Variants in HSPA1L observed in about 807,000 individuals in gnomAD.
HSPA1L encodes heat shock 70 kDa protein 1-like.
Under a neutral mutation model 31.5 loss-of-function variants are expected in HSPA1L, and 21 were observed. That is an observed-to-expected ratio of 0.67 (90% confidence interval 0.47 to 0.96). HSPA1L has a LOEUF of 0.96. HSPA1L is among the 40% of genes least tolerant of loss of function. HSPA1L has a pLI of 0.00. For synonymous variants in HSPA1L, 293 were observed against 323.1 expected (o/e 0.91, Z 1.00); for missense variants, 709 against 813.4 (o/e 0.87, Z 1.56).
In HSPA1L at chr6:31,810,676, A is replaced by G; in HGVS notation, c.1297T>C (p.Tyr433His). The G allele has an allele frequency of 6.2e-7, 1 of 1,613,990 alleles. No individual in the cohort carries two copies. Among genetic ancestry groups the G allele is most frequent in the Non-Finnish European group, 8.5e-7 (1 of 1,180,000 alleles). Residue 433 changes from tyrosine to histidine, a missense_variant, in exon 2 of 2, where the codon TAC (tyrosine) becomes CAC (histidine). By Grantham distance (83) the Tyr-to-His change is moderately conservative. Transcript: ENST00000375654. ...PTKQTQIFTT[Y>H]SDNQPGVLIQ... The stretch of plus-strand genomic sequence containing the variant: ...AGCACCCCGGGTTGGTTGTCAGAGT[A>G]GGTGGTGAAAATCTGTGTCTGCTTG...
rs1432329964 is a variant in HSPA1L at position 31,810,582 on chromosome 6, G to C, written c.1391C>G (p.Thr464Ser). 6.2e-7 allele frequency: 1 copy of C among 1,613,744 alleles called. No homozygotes were observed. The highest frequency in any genetic ancestry group is 2.2e-5 in the East Asian group (1 of 44,894). ...TCCCCTGGGTGCTGGAGGGATTCCA[G>C]TCAGGTCAAACCGCCCCAGCAGGTT... Reference protein sequence around the residue: ...DNNLLGRFDLTGIPPAPRGVP... With the variant: ...DNNLLGRFDLSGIPPAPRGVP... The change falls in exon 2 of 2, where the codon ACT (threonine) becomes AGT (serine). Residue 464 changes from threonine to serine, a missense_variant. Transcript: ENST00000375654.
chr6:31,812,978 C>T (rs1581699612), intron 1 of HSPA1L, among the ~76,000 whole-genome samples: 1 of 152,202 alleles, frequency 6.6e-6, no homozygotes. Context: ...AATGCCACCA[C>T]ACCCAGCTAA....
Position 31,810,375 on chromosome 6 carries a change from A to T in HSPA1L, c.1598T>A (p.Val533Asp). The T allele has an allele frequency of 6.4e-7, 1 of 1,555,606 alleles. No individual in the cohort carries two copies. Among genetic ancestry groups the T allele is most frequent in the Non-Finnish European group, 8.9e-7 (1 of 1,128,972 alleles). ...DAEKYKAEDE[V>D]QREKIAAKNA... The stretch of plus-strand genomic sequence containing the variant: ...CTTTGCAGCAATTTTCTCCCTCTGG[A>T]CCTCATCTTCAGCTTTATATTTCTC... Residue 533 changes from valine to aspartate, a missense_variant, in exon 2 of 2, where the codon GTC (valine) becomes GAC (aspartate). By Grantham distance (152) the Val-to-Asp change is radical (BLOSUM62 -3). Transcript: ENST00000375654.
rs1449880562 is a variant in HSPA1L, at chr6:31,810,809, C to A, written c.1164G>T (p.Glu388Asp). 2 of 1,614,158 alleles carry A rather than the reference C, an allele frequency of 1.2e-6. No individual in the cohort carries two copies. The highest frequency in any genetic ancestry group is 8.5e-7 in the Non-Finnish European group (1 of 1,180,002). ...CCAGCAGCAGCAGGTCCTGTACCTT[C>A]TCAGACTTGTCCCCCATCAGGATGG... ...QAAILMGDKS[E>D]KVQDLLLLDV... Residue 388 changes from glutamate (E) to aspartate (D), a missense_variant, in exon 2 of 2, where the codon GAG becomes GAT. By Grantham distance (45) the Glu-to-Asp change is conservative. Transcript: ENST00000375654.
At chr6:31,812,084 A>G (rs1242647760) in intron 1 of HSPA1L, 99 bp from the exon 2 acceptor site, 92 of 1,422,028 alleles carry the variant, frequency 6.5e-5, no homozygotes, top group Non-Finnish European at 8.4e-5. Flanking sequence ...GTTGGAGTGC[A>G]GAGGCGCAGT....
Position 31,811,280 on chromosome 6 carries a change from AC to A in HSPA1L, c.692del (p.Gly231ValfsTer10). On this transcript the variant is annotated frameshift_variant, in exon 2 of 2. Coordinates refer to ENST00000375654, the MANE Select transcript of HSPA1L (RefSeq NM_005527.4). LOFTEE classifies it high-confidence loss of function. ...CAAGCCTGTTGTCAAAGTCCTCCCC[AC>A]CCAGGTGAGTGTCCCCAGCAGTGGC... ...VKATAGDTHL[G>X]GEDFDNRLVS... 1 of 1,613,990 alleles carries A rather than the reference AC, an allele frequency of 6.2e-7. No homozygotes were observed. The highest frequency in any genetic ancestry group is 8.5e-7 in the Non-Finnish European group (1 of 1,180,010).
At chr6:31,812,332 T>G (rs2151463143) in intron 1 of HSPA1L, among the ~76,000 whole-genome samples, 1 of 152,102 alleles carries the variant, frequency 6.6e-6, no homozygotes, top group South Asian at 2.1e-4. Context: ...GCCCAGCTAA[T>G]TTTTGTATTT....
rs1311612034 is a variant in HSPA1L at position 31,810,151 on chromosome 6, T to C, written c.1822A>G (p.Ile608Val). The C allele has an allele frequency of 4.6e-6, 7 of 1,515,866 alleles. No homozygotes were observed. The highest frequency in any genetic ancestry group is 4.2e-5 in the African/African-American group (3 of 71,716). The allele number at this position is 1,515,866 out of a possible 1,614,324, so 93.9% of individuals were successfully genotyped here. The change falls in exon 2 of 2, where the codon ATC becomes GTC. Residue 608 changes from isoleucine (I) to valine (V), a missense_variant. Transcript: ENST00000375654. The stretch of plus-strand genomic sequence containing the variant: ...CCTCCTTGGTAGAGTTTTGTGATGA[T>C]AGGGTTACACATCTGCTCCAATTCC... The part of the protein sequence containing the change: ...RKELEQMCNP[I>V]ITKLYQGGCT...
Position 31,815,180 on chromosome 6 carries a change from A to G in HSPA1L, c.-305T>C, listed in dbSNP as rs1029275613. ...TCCCCGCACCAGCCCCCTGCCCACA[A>G]CTGCGCAGGCCCAGCAAGCCCCCAC... On this transcript the variant is annotated 5_prime_UTR_variant, in exon 1 of 2. Transcript: ENST00000375654. 1 of 227,550 alleles carries G rather than the reference A, an allele frequency of 4.4e-6. No homozygotes were observed. The highest frequency in any genetic ancestry group is 5.4e-5 in the Admixed American group (1 of 18,600). 14.1% of individuals were successfully genotyped at this position (227,550 alleles called of 1,614,324 possible).
chr6:31,813,550 C>T (rs1366370004), intron 1 of HSPA1L, among the ~76,000 whole-genome samples: 1 of 152,140 alleles, frequency 6.6e-6, no homozygotes, highest in Non-Finnish European at 1.5e-5. Flanking sequence ...AGTGATCCGC[C>T]CGCCTCGGTC....
At position 31,811,479 on chromosome 6, in the gene HSPA1L, A is replaced by C. The variant is rs764022454; in HGVS notation, c.494T>G (p.Val165Gly). 1 of 1,614,208 alleles carries C rather than the reference A, an allele frequency of 6.2e-7. No individual in the cohort carries two copies. The highest frequency in any genetic ancestry group is 1.7e-5 in the Admixed American group (1 of 60,028). Residue 165 changes from valine (V) to glycine (G), a missense_variant, in exon 2 of 2, where the codon GTG (valine) becomes GGG (glycine). Transcript: ENST00000375654. ...SQRQATKDAG[V>G]IAGLNVLRII... ...TCTTAGCACATTAAGTCCAGCAATC[A>C]CACCTGCATCCTTAGTAGCCTGACG... is the stretch of plus-strand genomic sequence containing the variant.
chr6:31,814,524 AT>A (rs376353143), intron 1 of HSPA1L, among the ~76,000 whole-genome samples: 12 of 145,888 alleles, frequency 8.2e-5, no homozygotes, highest in African/African-American at 2.8e-4. Context: ...AAAAAAAAAA[AT>A]TAAAAATAAA....
Position 31,810,267 on chromosome 6 carries a change from T to C in HSPA1L, c.1706A>G (p.Lys569Arg). The C allele has an allele frequency of 6.5e-7, 1 of 1,529,296 alleles. No homozygotes were observed. The highest frequency in any genetic ancestry group is 8.8e-7 in the Non-Finnish European group (1 of 1,141,196). The allele number at this position is 1,529,296 out of a possible 1,614,324, so 94.7% of individuals were successfully genotyped here. The stretch of plus-strand genomic sequence containing the variant: ...GTTGCATTTATCCAATATTTTATTT[T>C]TATCAGACTCACTAATCTTGCCCTT... ...GLKGKISESD[K>R]NKILDKCNEL... The change falls in exon 2 of 2, where the codon AAA becomes AGA. Residue 569 changes from lysine to arginine, a missense_variant. Transcript: ENST00000375654.
In HSPA1L at chr6:31,814,927, C is replaced by T; in HGVS notation, c.-52G>A. On this transcript the variant is annotated 5_prime_UTR_variant, in exon 1 of 2. Coordinates refer to ENST00000375654, the MANE Select transcript of HSPA1L (RefSeq NM_005527.4). ...GCCTTCGCTTCAGTTTGGAAACGTCCAGATTACGCAGCCCCAGCGAGTAGG... is the reference window on the plus strand; with the variant it reads ...GCCTTCGCTTCAGTTTGGAAACGTCTAGATTACGCAGCCCCAGCGAGTAGG... 3.0e-6 allele frequency: 3 copies of T among 985,736 alleles called. No homozygotes were observed. The highest frequency in any genetic ancestry group is 3.6e-6 in the Non-Finnish European group (3 of 830,216). The allele number at this position is 985,736 out of a possible 1,614,324, so 61.1% of individuals were successfully genotyped here. A position where few individuals can be genotyped will look rare whatever the true frequency, so the allele number is the denominator to read the frequency against.
In HSPA1L at chr6:31,811,875, T is replaced by C. The variant is rs201814236; in HGVS notation, c.98A>G (p.Asn33Ser). The change falls in exon 2 of 2, where the codon AAC becomes AGC. Residue 33 changes from asparagine to serine, a missense_variant. Asn to Ser is a conservative substitution (Grantham distance 46, BLOSUM62 1). Transcript: ENST00000375654. ...FQHGKVEIIA[N>S]DQGNRTTPSY... ...GGGGGTGGTGCGGTTGCCCTGGTCGTTGGCGATGATCTCCACCTTGCCGTG... is the reference window on the plus strand; with the variant it reads ...GGGGGTGGTGCGGTTGCCCTGGTCGCTGGCGATGATCTCCACCTTGCCGTG... The C allele has an allele frequency of 9.8e-5, 158 of 1,614,054 alleles. 4 individuals are homozygous for C. The South Asian group carries it at 1.7e-3, about 17-fold the overall frequency.
Position 31,814,984 on chromosome 6 carries a change from C to G in HSPA1L, c.-109G>C. On this transcript the variant is annotated 5_prime_UTR_variant, in exon 1 of 2. Coordinates refer to ENST00000375654, the MANE Select transcript of HSPA1L (RefSeq NM_005527.4). ...CTCCCTCAATATCAAACTGCACAACCGGGGTCCCCCCACCCCCCACCCCGT... is the reference window on the plus strand; with the variant it reads ...CTCCCTCAATATCAAACTGCACAACGGGGGTCCCCCCACCCCCCACCCCGT... 1.0e-6 allele frequency: 1 copy of G among 976,460 alleles called. No homozygotes were observed. Among genetic ancestry groups the G allele is most frequent in the African/African-American group, 1.8e-5 (1 of 56,844 alleles). The allele number at this position is 976,460 out of a possible 1,614,324, so 60.5% of individuals were successfully genotyped here.
At position 31,811,142 on chromosome 6, in the gene HSPA1L, C is replaced by A; in HGVS notation, c.831G>T (p.Ser277=). 6.2e-7 allele frequency: 1 copy of A among 1,614,170 alleles called. No homozygotes were observed. The change falls in exon 2 of 2, where the codon TCG becomes TCT. Residue 277 remains serine, a synonymous_variant. Transcript: ENST00000375654. ...TTTCTAGGTTGGCCTGGGTGCTGGACGACAGGGTCCTCTTGGCCCTCTCGC... is the reference window on the plus strand; with the variant it reads ...TTTCTAGGTTGGCCTGGGTGCTGGAAGACAGGGTCCTCTTGGCCCTCTCGC... ...TACERAKRTL[S]SSTQANLEID... is the part of the protein sequence containing the mutation.
At position 31,811,509 on chromosome 6, in the gene HSPA1L, G is replaced by C; in HGVS notation, c.464C>G (p.Ser155Cys). The C allele has an allele frequency of 1.2e-6, 2 of 1,614,192 alleles. No individual in the cohort carries two copies. Among genetic ancestry groups the C allele is most frequent in the Non-Finnish European group, 1.7e-6 (2 of 1,180,038 alleles). Residue 155 changes from serine (S) to cysteine (C), a missense_variant, in exon 2 of 2, where the codon TCT (serine) becomes TGT (cysteine). By Grantham distance (112) the Ser-to-Cys change is moderately radical. Transcript: ENST00000375654. ...TGCATCCTTAGTAGCCTGACGTTGA[G>C]AGTCATTGAAATAGGCTGGCACGGT... ...VITVPAYFNDSQRQATKDAGV... is the reference protein window; with the variant it reads ...VITVPAYFNDCQRQATKDAGV...
rs1815415131 is a variant in HSPA1L at position 31,811,498 on chromosome 6, C to G, written c.475G>C (p.Ala159Pro). The part of the protein sequence containing the change: ...PAYFNDSQRQ[A>P]TKDAGVIAGL... ...GCAATCACACCTGCATCCTTAGTAG[C>G]CTGACGTTGAGAGTCATTGAAATAG... The change falls in exon 2 of 2, where the codon GCT becomes CCT. Residue 159 changes from alanine to proline, a missense_variant. Transcript: ENST00000375654. The G allele has an allele frequency of 6.2e-7, 1 of 1,614,170 alleles. No homozygotes were observed. Among genetic ancestry groups the G allele is most frequent in the Non-Finnish European group, 8.5e-7 (1 of 1,180,036 alleles).
Sources: allele counts gnomAD v4.1 joint callset (sites outside exome capture counted in the v4.1 genomes callset), GRCh38; gene constraint gnomAD v4.1.1; transcripts MANE v1.5; gene names NCBI Gene and HGNC (gene_info 2026-07-23, HGNC 2026-07-21).